Variants in PRH1 observed in about 807,000 individuals in gnomAD.
PRH1 encodes proline rich protein HaeIII subfamily 1, also known as salivary acidic proline-rich phosphoprotein 1/2.
PRH1 carries 7 observed loss-of-function variants against 7.9 expected under a neutral mutation model. The observed-to-expected ratio is 0.89, with a 90% CI of 0.50 to 1.67. The LOEUF (loss-of-function observed/expected upper bound fraction) is 1.67. Among genes scored for constraint, PRH1 ranks in the 40% most tolerant of loss-of-function variants. The probability of loss-of-function intolerance (pLI) is 0.00; values close to 1 mark genes in which losing one functional copy is unlikely to be tolerated. For missense variants in PRH1, 109 were observed against 223.6 expected (o/e 0.49, Z 3.27); for synonymous variants, 45 against 80.8 (o/e 0.56, Z 2.38).
At chr12:11,116,740 T>G (rs1278440998), downstream of PRH1, among the ~76,000 whole-genome samples, 1 of 152,128 alleles carries the variant, frequency 6.6e-6, no homozygotes, top group Non-Finnish European at 1.5e-5. Context: ...CAAGTGGGAT[T>G]TATCCCTAGG....
intron 1 of PRH1, among the ~76,000 whole-genome samples, chr12:11,137,852 AATG>A (rs1270520103): frequency 6.6e-6 from 1 of 152,160 alleles, no homozygotes; most frequent in East Asian, 1.9e-4. Context: ...AGATAATGAT[AATG>A]ATGATGGCAG....
chr12:11,105,375 A>T (rs1565658608), intron 1 of PRH1, among the ~76,000 whole-genome samples: 1 of 152,118 alleles, frequency 6.6e-6, no homozygotes, highest in Non-Finnish European at 1.5e-5. Flanking sequence ...TGACCTTAAC[A>T]TCTATGTGTA....
At chr12:11,118,411 CAGGT>C (rs1002736006), downstream of PRH1, among the ~76,000 whole-genome samples, 47 of 152,274 alleles carry the variant, frequency 3.1e-4, no homozygotes, top group African/African-American at 1.1e-3. Context: ...ATACAAAAGA[CAGGT>C]AGTAACAAAT....
chr12:10,954,666 A>G (rs1937865243), intron 2 of PRH1, among the ~76,000 whole-genome samples: 1 of 152,090 alleles, frequency 6.6e-6, no homozygotes. Flanking sequence ...TGATAGAGAC[A>G]GGATTTTGCC....
intron 1 of PRH1, among the ~76,000 whole-genome samples, chr12:10,999,431 G>A (rs1940471720): frequency 6.6e-6 from 1 of 152,094 alleles, no homozygotes; most frequent in Admixed American, 6.6e-5. Context: ...AAGAATGTAC[G>A]TAAATGGTGG....
Position 11,038,284 on chromosome 12 carries a change from C to T in PRH1, c.-126+8736G>A, listed in dbSNP as rs1375036405. Among the ~76,000 whole-genome samples the T allele has an allele frequency of 5.3e-5, 8 of 152,284 alleles. No homozygotes were observed. In the East Asian group the frequency reaches 9.6e-4, roughly 18 times the overall value. On this transcript the variant is annotated intron_variant, in intron 1 of 3. Transcript: ENST00000539853. ...GAAACAGAAAGAGAAAAAATTGTAA[C>T]GTTAACATGGATGTTACCACACATT...
chr12:11,170,388 A>G (rs1209846703), intron 1 of PRH1, among the ~76,000 whole-genome samples: 1 of 152,178 alleles, frequency 6.6e-6, no homozygotes, highest in Non-Finnish European at 1.5e-5. Context: ...CTACCAAAAA[A>G]TACAAAAAAT....
At chr12:11,113,369 T>C (rs1445634228) in intron 1 of PRH1, among the ~76,000 whole-genome samples, 1 of 152,008 alleles carries the variant, frequency 6.6e-6, no homozygotes, top group Non-Finnish European at 1.5e-5. Context: ...AACAGATATA[T>C]AGACCAATGG....
chr12:11,015,585 A>G (rs938859811), intron 1 of PRH1, among the ~76,000 whole-genome samples: 4 of 152,148 alleles, frequency 2.6e-5, no homozygotes, highest in Non-Finnish European at 5.9e-5. Context: ...ACTAACAGTA[A>G]TATCTGGGTA....
chr12:11,127,178 A>T (rs1484923981), intron 1 of PRH1, among the ~76,000 whole-genome samples: 3 of 152,272 alleles, frequency 2.0e-5, no homozygotes, highest in African/African-American at 7.2e-5. Context: ...GCTCAAATTA[A>T]CTCCTATTCA....
At chr12:10,886,032 G>T (rs541053886), upstream of PRH1, among the ~76,000 whole-genome samples, 1 of 152,176 alleles carries the variant, frequency 6.6e-6, no homozygotes, top group African/African-American at 2.4e-5. Flanking sequence ...ACCTATTTCA[G>T]GGGGGAATGC....
chr12:11,158,434 C>T (rs148095099), intron 1 of PRH1, among the ~76,000 whole-genome samples: 16 of 152,140 alleles, frequency 1.1e-4, no homozygotes, highest in Middle Eastern at 3.4e-3. Flanking sequence ...CAAAAAATTA[C>T]ATTACACTTT....
chr12:10,930,594 A>C (rs1426476417), intron 2 of PRH1: 102 of 1,598,984 alleles, frequency 6.4e-5, no homozygotes, highest in Non-Finnish European at 8.1e-5. Context: ...TGTGGTGAAG[A>C]CAGAGAGATA....
chr12:10,997,562 AAT>A (rs1185421036), intron 1 of PRH1: 1 of 1,613,976 alleles, frequency 6.2e-7, no homozygotes, highest in Non-Finnish European at 8.5e-7. Flanking sequence ...GAGCAAATAA[AAT>A]ATGCTGAGGC....
chr12:10,953,146 A>C (rs1401629873), intron 2 of PRH1, among the ~76,000 whole-genome samples: 1 of 152,174 alleles, frequency 6.6e-6, no homozygotes, highest in Non-Finnish European at 1.5e-5. Context: ...AAGAATGGCA[A>C]CTTCGAAGAC....
At chr12:11,168,368 AAAAGAAAGAAAG>A (rs199864169) in intron 1 of PRH1, among the ~76,000 whole-genome samples, 682 of 36,078 alleles carry the variant, frequency 0.019, 146 homozygotes, top group African/African-American at 0.032. Context: ...GAAAAGAAAG[AAAAGAAAGAAAG>A]AAAGAAAGAA....
In PRH1 at chr12:11,035,445, G is replaced by T. The variant is rs72475490; in HGVS notation, c.-126+11575C>A. Among the ~76,000 whole-genome samples the T allele has an allele frequency of 3.3e-5, 5 of 152,098 alleles. No individual in the cohort carries two copies. The South Asian group carries it at 6.2e-4, about 19-fold the overall frequency. ...TTAACTCTATTGGATTCTCAAAATT[G>T]ATTACTCTTTTTGTTTTTGTCTTAT... On this transcript the variant is annotated intron_variant, in intron 1 of 3. Transcript: ENST00000539853.
intron 1 of PRH1, among the ~76,000 whole-genome samples, chr12:11,164,401 A>C (rs1373800013): frequency 2.0e-5 from 3 of 152,116 alleles, no homozygotes; most frequent in African/African-American, 4.8e-5. Flanking sequence ...GGGACTTCTC[A>C]GCCTCCATAA....
At chr12:10,944,984 A>G (rs949129410) in intron 2 of PRH1, among the ~76,000 whole-genome samples, 1 of 152,088 alleles carries the variant, frequency 6.6e-6, no homozygotes, top group East Asian at 1.9e-4. Context: ...GGATTTTTGC[A>G]TCGATGTCCA....
Sources: allele counts gnomAD v4.1 joint callset (sites outside exome capture counted in the v4.1 genomes callset), GRCh38; gene constraint gnomAD v4.1.1; transcripts MANE v1.5; gene names NCBI Gene and HGNC (gene_info 2026-07-23, HGNC 2026-07-21).